MGAT5: variants seen among roughly 807,000 people sequenced by gnomAD.
The protein encoded by MGAT5 is alpha-1,6-mannosylglycoprotein 6-beta-N-acetylglucosaminyltransferase A.
A neutral mutation model predicts 94.3 loss-of-function variants in MGAT5; 30 were observed. The observed-to-expected ratio is 0.32, with a 90% CI of 0.24 to 0.43. The LOEUF (loss-of-function observed/expected upper bound fraction) is 0.43, where lower values mean the gene tolerates loss of function less well. MGAT5 is among the 20% of genes least tolerant of loss of function. MGAT5 has a pLI of 1.00. For missense variants in MGAT5, 691 were observed against 905.5 expected, an observed-to-expected ratio of 0.76 and a Z score of 3.04; for synonymous variants, 310 against 322.9, an observed-to-expected ratio of 0.96 and a Z score of 0.43.
At chr2:134,295,344 A>G (rs547410404) in intron 2 of MGAT5, among the ~76,000 whole-genome samples, 2 of 152,320 alleles carry the variant, frequency 1.3e-5, no homozygotes, top group African/African-American at 4.8e-5. Flanking sequence ...TTGGGAGCTT[A>G]GTAGGCCCAA....
chr2:134,333,162 T>C (rs1203182204), intron 4 of MGAT5, among the ~76,000 whole-genome samples: 1 of 151,972 alleles, frequency 6.6e-6, no homozygotes, highest in Non-Finnish European at 1.5e-5. Flanking sequence ...CTATTCACAA[T>C]AGCAAAGACT....
At chr2:134,427,857 G>T (rs1000893088) in intron 13 of MGAT5, among the ~76,000 whole-genome samples, 2 of 152,216 alleles carry the variant, frequency 1.3e-5, no homozygotes, top group Non-Finnish European at 2.9e-5. Context: ...CCAAATACAG[G>T]TCACTGTCAC....
chr2:134,129,925 T>G (rs1200039393), intron 1 of MGAT5, among the ~76,000 whole-genome samples: 1 of 152,088 alleles, frequency 6.6e-6, no homozygotes, highest in Non-Finnish European at 1.5e-5. Flanking sequence ...TCCCTCTGCT[T>G]GCGGGGAGGT....
At chr2:134,234,474 G>A (rs915984425) in intron 1 of MGAT5, among the ~76,000 whole-genome samples, 1 of 152,220 alleles carries the variant, frequency 6.6e-6, no homozygotes, top group Non-Finnish European at 1.5e-5. Flanking sequence ...GACTATGGGG[G>A]TCCATACATA....
intron 7 of MGAT5, among the ~76,000 whole-genome samples, 159 bp from the exon 8 acceptor site, chr2:134,344,771 G>A (rs1688824461): frequency 6.6e-6 from 1 of 152,096 alleles, no homozygotes; most frequent in Admixed American, 6.5e-5. Context: ...CTTAATGGAT[G>A]GAAATAATTT....
At chr2:134,204,048 A>G (rs2105294640) in intron 1 of MGAT5, among the ~76,000 whole-genome samples, 1 of 152,330 alleles carries the variant, frequency 6.6e-6, no homozygotes, top group East Asian at 1.9e-4. Context: ...TTGTACAGGT[A>G]CTTATAAAAG....
chr2:134,445,248 G>A (rs1194984294), intron 15 of MGAT5, among the ~76,000 whole-genome samples: 2 of 152,164 alleles, frequency 1.3e-5, no homozygotes, highest in Admixed American at 6.5e-5. Context: ...CCATCAGGCA[G>A]GGCCAAGGGC....
intron 1 of MGAT5, among the ~76,000 whole-genome samples, chr2:134,170,489 G>A (rs369546386): frequency 6.6e-6 from 1 of 152,224 alleles, no homozygotes; most frequent in South Asian, 2.1e-4. Flanking sequence ...ACTGCTCAGG[G>A]CTTGTTGACA....
intron 1 of MGAT5, among the ~76,000 whole-genome samples, chr2:134,233,883 A>C (rs58937826): frequency 0.014 from 2,147 of 152,314 alleles, 56 homozygotes; most frequent in African/African-American, 0.049. Flanking sequence ...TTGCCTCTCT[A>C]TTCATGCACA....
chr2:134,326,729 G>A (rs1687668689), intron 4 of MGAT5, among the ~76,000 whole-genome samples: 1 of 152,100 alleles, frequency 6.6e-6, no homozygotes, highest in Admixed American at 6.6e-5. Context: ...CTAGATTGTA[G>A]TGCATGCCTG....
At chr2:134,180,240 A>T (rs1280946879) in intron 1 of MGAT5, among the ~76,000 whole-genome samples, 3 of 152,138 alleles carry the variant, frequency 2.0e-5, no homozygotes, top group African/African-American at 7.2e-5. Flanking sequence ...TTCTCTAATG[A>T]ACTTGTTTTC....
At chr2:134,393,385 A>T (rs1175638262) in intron 10 of MGAT5, among the ~76,000 whole-genome samples, 1 of 152,150 alleles carries the variant, frequency 6.6e-6, no homozygotes, top group Non-Finnish European at 1.5e-5. Context: ...AATTAATGCC[A>T]CCCCTTCTGT....
chr2:134,213,061 G>A (rs973656685), intron 1 of MGAT5, among the ~76,000 whole-genome samples: 1 of 152,070 alleles, frequency 6.6e-6, no homozygotes, highest in Non-Finnish European at 1.5e-5. Flanking sequence ...TAGGCCTTTT[G>A]GATATTTGCA....
chr2:134,235,433 A>G (rs1449853632), intron 1 of MGAT5, among the ~76,000 whole-genome samples: 2 of 152,128 alleles, frequency 1.3e-5, no homozygotes, highest in Non-Finnish European at 2.9e-5. Context: ...CGTGATACCC[A>G]GTGAGGGTTG....
chr2:134,197,445 A>G (rs1048618435), intron 1 of MGAT5, among the ~76,000 whole-genome samples: 13 of 152,188 alleles, frequency 8.5e-5, no homozygotes, highest in African/African-American at 3.1e-4. Flanking sequence ...CAAAGCTTGT[A>G]TTTTCAGGTG....
chr2:134,276,221 C>A (rs1240979496), intron 2 of MGAT5, among the ~76,000 whole-genome samples: 7 of 149,784 alleles, frequency 4.7e-5, no homozygotes, highest in Non-Finnish European at 1.5e-5. Flanking sequence ...TTGGAGGCCT[C>A]CAAGGAAAGA....
At chr2:134,140,678 C>T (rs1395376851) in intron 1 of MGAT5, among the ~76,000 whole-genome samples, 2 of 152,166 alleles carry the variant, frequency 1.3e-5, no homozygotes, top group East Asian at 1.9e-4. Flanking sequence ...CTCCAATAAT[C>T]GGAGAATAGC....
intron 2 of MGAT5, among the ~76,000 whole-genome samples, chr2:134,304,275 C>T (rs1173383644): frequency 2.6e-5 from 4 of 152,012 alleles, no homozygotes; most frequent in African/African-American, 7.2e-5. Context: ...TGGCAAGGAC[C>T]GTATGTATTT....
At chr2:134,183,467 T>C (rs1558974720) in intron 1 of MGAT5, among the ~76,000 whole-genome samples, 1 of 152,212 alleles carries the variant, frequency 6.6e-6, no homozygotes, top group African/African-American at 2.4e-5. Flanking sequence ...AAACTTATCA[T>C]TGGATTTGAG....
Sources: allele counts gnomAD v4.1 joint callset (sites outside exome capture counted in the v4.1 genomes callset), GRCh38; gene constraint gnomAD v4.1.1; transcripts MANE v1.5; gene names NCBI Gene and HGNC (gene_info 2026-07-23, HGNC 2026-07-21).